BAHCC1: variants seen among roughly 807,000 people sequenced by gnomAD.
BAHCC1 encodes the protein BAH and coiled-coil domain-containing protein 1.
Under a neutral mutation model 88.2 loss-of-function variants are expected in BAHCC1, and 43 were observed. The ratio of observed to expected loss-of-function variants is 0.49; its 90% CI spans 0.38 to 0.63. The LOEUF is 0.63. BAHCC1 is among the 20% of genes least tolerant of loss of function. The pLI is 0.00. For synonymous variants in BAHCC1, 1,510 were observed against 745.5 expected (o/e 2.03, Z -16.71); for missense variants, 3,023 against 1,654.8 (o/e 1.83, Z -14.34).
In BAHCC1 at chr17:81,444,410, G is replaced by A. The variant is rs782553753; in HGVS notation, c.2354G>A (p.Arg785Gln). 418 of 749,296 alleles carry A rather than the reference G, an allele frequency of 5.6e-4. 6 individuals carry two copies. The highest frequency in any genetic ancestry group is 5.1e-3 in the South Asian group (356 of 69,710). The allele number at this position is 749,296 out of a possible 1,614,324, so 46.4% of individuals were successfully genotyped here. Residue 785 changes from arginine (R) to glutamine (Q), a missense_variant, in exon 7 of 28, where the codon CGG (arginine) becomes CAG (glutamine). Coordinates refer to ENST00000675386, the MANE Select transcript of BAHCC1 (RefSeq NM_001377448.1). The part of the protein sequence containing the change: ...QDSKDRVEFA[R>Q]IHPPSSCPGD... ...AGCAAAGACCGCGTAGAGTTCGCCC[G>A]GATCCACCCACCGAGCAGCTGCCCT...
chr17:81,453,771 C>T (rs1051760659), intron 14 of BAHCC1, among the ~76,000 whole-genome samples: 2 of 152,240 alleles, frequency 1.3e-5, no homozygotes, highest in East Asian at 1.9e-4. Flanking sequence ...AGTCCAGGAC[C>T]CCTCTTCCCG....
At chr17:81,401,929 G>A (rs1203579984) in intron 2 of BAHCC1, 1 of 152,372 alleles carries the variant, frequency 6.6e-6, no homozygotes, top group African/African-American at 2.4e-5. Context: ...ACCCGGGTAG[G>A]TGGGCGCCTG....
At chr17:81,408,683 G>A (rs2063911204) in intron 2 of BAHCC1, among the ~76,000 whole-genome samples, 1 of 152,174 alleles carries the variant, frequency 6.6e-6, no homozygotes, top group Non-Finnish European at 1.5e-5. Flanking sequence ...TTGGCCTGCA[G>A]CCCTTCTTGT....
chr17:81,417,144 G>A (rs2064042506), intron 2 of BAHCC1, among the ~76,000 whole-genome samples: 1 of 152,086 alleles, frequency 6.6e-6, no homozygotes, highest in African/African-American at 2.4e-5. Context: ...TTCCTGGGCT[G>A]GGGTGTGCGT....
intron 3 of BAHCC1, among the ~76,000 whole-genome samples, chr17:81,438,047 C>T (rs549889352): frequency 4.2e-4 from 64 of 152,344 alleles, no homozygotes; most frequent in African/African-American, 1.5e-3. Flanking sequence ...CACAAAACCT[C>T]CCCAGAGTCC....
rs782710304 is a variant in BAHCC1 at position 81,435,511 on chromosome 17, G to A, written c.359-2859G>A. On this transcript the variant is annotated intron_variant, in intron 3 of 27. Transcript: ENST00000675386. This position sits in a 1 kb window ranked among gnomAD's most constrained non-coding sequence, Gnocchi z 4.4. The stretch of plus-strand genomic sequence containing the variant: ...TTCGCTTAGCCCAGGGCTTGCCCTT[G>A]TCTGTTGGGGTGATCATAAAAGCTC... The A allele has an allele frequency of 1.3e-5, 6 of 470,626 alleles. No individual in the cohort carries two copies. The highest frequency in any genetic ancestry group is 6.2e-5 in the South Asian group (4 of 64,576). The allele number at this position is 470,626 out of a possible 1,614,324, so 29.2% of individuals were successfully genotyped here. A position where few individuals can be genotyped will look rare whatever the true frequency, so the allele number is the denominator to read the frequency against.
rs1409357617 is a variant in BAHCC1 at position 81,464,000 on chromosome 17, T to C, written c.*183T>C. 3 of 606,218 alleles carry C rather than the reference T, an allele frequency of 4.9e-6. No individual in the cohort carries two copies. Among genetic ancestry groups the C allele is most frequent in the Middle Eastern group, 4.4e-4 (1 of 2,294 alleles). The allele number at this position is 606,218 out of a possible 1,614,324, so 37.6% of individuals were successfully genotyped here. A position where few individuals can be genotyped will look rare whatever the true frequency, so the allele number is the denominator to read the frequency against. On this transcript the variant is annotated 3_prime_UTR_variant, in exon 28 of 28. Coordinates refer to ENST00000675386, the MANE Select transcript of BAHCC1 (RefSeq NM_001377448.1). ...TTTTCCCTGGAAAGAGCGCTCCAGG[T>C]GTCGGAATCCAGTCCCGTCCCATCC...
At chr17:81,448,980 C>T (rs970831107) in intron 11 of BAHCC1, among the ~76,000 whole-genome samples, 12 of 152,276 alleles carry the variant, frequency 7.9e-5, no homozygotes, top group Middle Eastern at 6.8e-3. Flanking sequence ...AGGGACCCGC[C>T]GTGGGAGGGT....
intron 2 of BAHCC1, among the ~76,000 whole-genome samples, chr17:81,419,788 C>CTT (rs781909536): frequency 0.037 from 3,824 of 102,176 alleles, 233 homozygotes; most frequent in Non-Finnish European, 0.06. Context: ...CTCAACGAGG[C>CTT]GTTTTTTTTT....
Position 81,429,983 on chromosome 17 carries a change from G to A in BAHCC1, c.358+3004G>A, listed in dbSNP as rs962871829. ...CTGGAGGAGCCGCCCGGAACATCTGGCCTGGGCAGAGCCTGTCTGTTCAGC... is the reference window on the plus strand; with the variant it reads ...CTGGAGGAGCCGCCCGGAACATCTGACCTGGGCAGAGCCTGTCTGTTCAGC... On this transcript the variant is annotated intron_variant, in intron 3 of 27. Coordinates refer to ENST00000675386, the MANE Select transcript of BAHCC1 (RefSeq NM_001377448.1). Among the ~76,000 whole-genome samples the A allele has an allele frequency of 1.9e-3, 287 of 152,338 alleles. 3 individuals carry two copies. The highest frequency in any genetic ancestry group is 6.4e-3 in the African/African-American group (268 of 41,580).
At chr17:81,457,221 C>G (rs1598509197) in intron 16 of BAHCC1, among the ~76,000 whole-genome samples, 189 bp from the exon 17 acceptor site, 1 of 152,282 alleles carries the variant, frequency 6.6e-6, no homozygotes, top group East Asian at 1.9e-4. Flanking sequence ...CATACAAATC[C>G]CTTCAGGCTG....
chr17:81,444,406 G>A lies in BAHCC1; in HGVS notation c.2350G>A (p.Ala784Thr), dbSNP rs374875790. 95 of 748,124 alleles carry A rather than the reference G, an allele frequency of 1.3e-4. No individual in the cohort carries two copies. The highest frequency in any genetic ancestry group is 2.2e-4 in the Non-Finnish European group (89 of 403,746). 46.3% of individuals were successfully genotyped at this position (748,124 alleles called of 1,614,324 possible). The change falls in exon 7 of 28, where the codon GCC becomes ACC. Residue 784 changes from alanine (A) to threonine (T), a missense_variant. By Grantham distance (58) the Ala-to-Thr change is moderately conservative. Transcript: ENST00000675386. ...GGACAGCAAAGACCGCGTAGAGTTC[G>A]CCCGGATCCACCCACCGAGCAGCTG... is the stretch of plus-strand genomic sequence containing the variant. Reference protein sequence around the residue: ...LQDSKDRVEFARIHPPSSCPG... With the variant: ...LQDSKDRVEFTRIHPPSSCPG...
chr17:81,446,996 C>T, intron 10 of BAHCC1, 40 bp from the exon 11 acceptor site: 1 of 776,426 alleles, frequency 1.3e-6, no homozygotes, highest in Non-Finnish European at 2.4e-6. Flanking sequence ...CCCCTCACCA[C>T]CACTCCCAGC....
chr17:81,404,310 TTCTC>T (rs1439975994), intron 2 of BAHCC1, among the ~76,000 whole-genome samples: 1 of 152,252 alleles, frequency 6.6e-6, no homozygotes, highest in Non-Finnish European at 1.5e-5. Context: ...CAAGTTGACT[TTCTC>T]TCTTACGGGA....
At chr17:81,455,245 A>G (rs782561264) in intron 14 of BAHCC1, 22 bp from the exon 15 acceptor site, 2 of 711,994 alleles carry the variant, frequency 2.8e-6, no homozygotes, top group South Asian at 1.5e-5. Context: ...TCTGCCCTGC[A>G]CCCACCACCC....
chr17:81,416,202 G>A (rs140161662), intron 2 of BAHCC1, among the ~76,000 whole-genome samples: 5 of 150,192 alleles, frequency 3.3e-5, no homozygotes, highest in East Asian at 2.0e-4. Context: ...GGGTGTATGC[G>A]CGTGTGTACG....
intron 11 of BAHCC1, among the ~76,000 whole-genome samples, chr17:81,448,574 A>T (rs2143564790): frequency 6.6e-6 from 1 of 152,198 alleles, no homozygotes; most frequent in South Asian, 2.1e-4. Flanking sequence ...CCAGCCGGGC[A>T]CGGCGCCGTG....
intron 2 of BAHCC1, among the ~76,000 whole-genome samples, chr17:81,404,450 G>A (rs554191982): frequency 2.2e-3 from 332 of 152,332 alleles, no homozygotes; most frequent in Non-Finnish European, 3.7e-3. Context: ...CCTGGCCTGG[G>A]CCAGAGTGGG....
In BAHCC1 at chr17:81,465,900, C is replaced by CT. The variant is rs1254099931; in HGVS notation, c.*2085dup. The CT allele has an allele frequency of 2.0e-5, 3 of 152,710 alleles. No individual in the cohort carries two copies. Among genetic ancestry groups the CT allele is most frequent in the East Asian group, 3.9e-4 (2 of 5,174 alleles). 9.5% of individuals were successfully genotyped at this position (152,710 alleles called of 1,614,324 possible). A position where few individuals can be genotyped will look rare whatever the true frequency, so the allele number is the denominator to read the frequency against. On this transcript the variant is annotated 3_prime_UTR_variant, in exon 28 of 28. Transcript: ENST00000675386. ...GGGGAGGTGGTTGGACGAGGTCCTG[C>CT]TTGAGGCTCGGGGATCAGAACGATG... is the stretch of plus-strand genomic sequence containing the variant.
Sources: allele counts gnomAD v4.1 joint callset (sites outside exome capture counted in the v4.1 genomes callset), GRCh38; gene constraint gnomAD v4.1.1; non-coding constraint Gnocchi (gnomAD v3.1); transcripts MANE v1.5; gene names NCBI Gene and HGNC (gene_info 2026-07-23, HGNC 2026-07-21).